ZNF385D: variants seen among roughly 807,000 people sequenced by gnomAD.
ZNF385D encodes zinc finger protein 385D.
ZNF385D carries 15 observed loss-of-function variants against 35.8 expected under a neutral mutation model. The observed-to-expected ratio is 0.42, with a 90% confidence interval of 0.28 to 0.64. The LOEUF (loss-of-function observed/expected upper bound fraction) is 0.64, where lower values mean the gene tolerates loss of function less well. Ranked by LOEUF, ZNF385D falls within the 30% of genes least tolerant of loss-of-function variation. The probability of loss-of-function intolerance (pLI) is 0.23; values close to 1 mark genes in which losing one functional copy is unlikely to be tolerated. For synonymous variants in ZNF385D, 212 were observed against 186.8 expected, an observed-to-expected ratio of 1.13 and a Z score of -1.10; for missense variants, 474 against 494.6, an observed-to-expected ratio of 0.96 and a Z score of 0.39.
At chr3:21,664,345 C>T (rs1203253145) in intron 2 of ZNF385D, among the ~76,000 whole-genome samples, 2 of 152,064 alleles carry the variant, frequency 1.3e-5, no homozygotes, top group East Asian at 3.9e-4. Context: ...TGAGAGTTAA[C>T]TTGGGCAACA....
intron 1 of ZNF385D, among the ~76,000 whole-genome samples, chr3:21,680,907 C>A (rs2066878775): frequency 6.6e-6 from 1 of 152,122 alleles, no homozygotes; most frequent in African/African-American, 2.4e-5. Flanking sequence ...TGTAGGCAAG[C>A]CCATAGTCAG....
intron 1 of ZNF385D, among the ~76,000 whole-genome samples, chr3:21,682,122 G>T (rs1444633694): frequency 6.6e-6 from 1 of 152,176 alleles, no homozygotes; most frequent in Non-Finnish European, 1.5e-5. Flanking sequence ...TACAAGCAAA[G>T]ATATGGTTGG....
At chr3:22,341,163 T>G (rs1043841191) in intron 2 of ZNF385D, among the ~76,000 whole-genome samples, 1 of 152,168 alleles carries the variant, frequency 6.6e-6, no homozygotes, top group African/African-American at 2.4e-5. Context: ...GCTATCTCAA[T>G]ACCTACAAAA....
chr3:21,960,273 C>T (rs1412122326), intron 3 of ZNF385D, among the ~76,000 whole-genome samples: 2 of 151,084 alleles, frequency 1.3e-5, no homozygotes, highest in South Asian at 4.2e-4. Flanking sequence ...GGCAGAGGAT[C>T]TAAATAAACA....
At chr3:21,693,442 T>C (rs1002891660) in intron 1 of ZNF385D, among the ~76,000 whole-genome samples, 10 of 152,220 alleles carry the variant, frequency 6.6e-5, no homozygotes, top group Admixed American at 5.2e-4. Context: ...ACTTACAGTA[T>C]AGACCCTTGT....
intron 2 of ZNF385D, among the ~76,000 whole-genome samples, chr3:21,636,414 AGAGT>A: frequency 1.6e-5 from 1 of 64,500 alleles, no homozygotes; most frequent in Non-Finnish European, 3.0e-5. Context: ...ATATATATAT[AGAGT>A]TTCTTAAGGA....
intron 3 of ZNF385D, among the ~76,000 whole-genome samples, chr3:21,897,792 T>C (rs1182089657): frequency 1.3e-5 from 2 of 152,152 alleles, no homozygotes; most frequent in Non-Finnish European, 2.9e-5. Context: ...GAACTTCATA[T>C]AGATGCATTC....
At chr3:21,877,940 A>C (rs1172987853) in intron 3 of ZNF385D, 1 of 152,032 alleles carries the variant, frequency 6.6e-6, no homozygotes, top group African/African-American at 2.4e-5. Flanking sequence ...ATTAATTTTA[A>C]TTACAACAGC....
At chr3:22,061,153 T>C (rs1183120347) in intron 3 of ZNF385D, among the ~76,000 whole-genome samples, 1 of 152,126 alleles carries the variant, frequency 6.6e-6, no homozygotes, top group Non-Finnish European at 1.5e-5. Flanking sequence ...TGCAAAGAAT[T>C]ATTCTCTCAA....
intron 3 of ZNF385D, among the ~76,000 whole-genome samples, chr3:21,864,171 C>A: frequency 6.6e-6 from 1 of 151,924 alleles, no homozygotes; most frequent in East Asian, 1.9e-4. Flanking sequence ...CTCAACCAGT[C>A]CTTTTGTTGC....
chr3:22,085,444 A>G (rs1349551912), intron 3 of ZNF385D, among the ~76,000 whole-genome samples: 1 of 152,202 alleles, frequency 6.6e-6, no homozygotes, highest in Non-Finnish European at 1.5e-5. Context: ...AATACTATAA[A>G]CACCTCCATG....
chr3:21,427,589 A>G (rs1676576278), intron 5 of ZNF385D, among the ~76,000 whole-genome samples: 1 of 152,164 alleles, frequency 6.6e-6, no homozygotes, highest in South Asian at 2.1e-4. Flanking sequence ...TCAGGAGATA[A>G]TGGAAAATTT....
chr3:21,900,000 G>C (rs1020797171), intron 3 of ZNF385D, among the ~76,000 whole-genome samples: 1 of 152,130 alleles, frequency 6.6e-6, no homozygotes, highest in Non-Finnish European at 1.5e-5. Flanking sequence ...TGGTTGGGCA[G>C]GTGGCAAGAC....
At chr3:21,440,645 G>A (rs1701814159) in intron 4 of ZNF385D, among the ~76,000 whole-genome samples, 1 of 152,110 alleles carries the variant, frequency 6.6e-6, no homozygotes, top group Non-Finnish European at 1.5e-5. Context: ...ATTAATGTGA[G>A]ATGTTAACAA....
rs115577595 is a variant in ZNF385D at position 21,641,320 on chromosome 3, G to A, written c.165+23566C>T. ...AGGAATGAAGTACAGTACCAGACAAGTTGGTGAAGAGGAATAGGAGGAGGA... is the reference window on the plus strand; with the variant it reads ...AGGAATGAAGTACAGTACCAGACAAATTGGTGAAGAGGAATAGGAGGAGGA... On this transcript the variant is annotated intron_variant, in intron 2 of 7. Transcript: ENST00000281523. Among the ~76,000 whole-genome samples the A allele has an allele frequency of 1.9e-3, 285 of 151,964 alleles. 2 individuals carry two copies. Among genetic ancestry groups the A allele is most frequent in the Non-Finnish European group, 3.2e-3 (217 of 67,970 alleles).
At chr3:21,853,843 G>A (rs1696556953) in intron 3 of ZNF385D, among the ~76,000 whole-genome samples, 1 of 151,642 alleles carries the variant, frequency 6.6e-6, no homozygotes, top group South Asian at 2.1e-4. Context: ...AAAACAAAAG[G>A]AAGATTATAT....
In ZNF385D at chr3:21,912,752, T is replaced by C. The variant is rs190070517; in HGVS notation, c.326-247724A>G. On this transcript the variant is annotated intron_variant, in intron 3 of 5. Transcript: ENST00000494108. The stretch of plus-strand genomic sequence containing the variant: ...ATATGCTAAAATACACTGACAACAA[T>C]TCAAGCTACATTTGGACCTTCTTAG... Among the ~76,000 whole-genome samples, 7 of 152,196 alleles carry C rather than the reference T, an allele frequency of 4.6e-5. No homozygotes were observed. The South Asian group carries it at 1.0e-3, about 23-fold the overall frequency.
intron 3 of ZNF385D, among the ~76,000 whole-genome samples, chr3:21,936,190 G>C (rs1318986245): frequency 6.6e-6 from 1 of 152,112 alleles, no homozygotes. Context: ...CAAGAATGTA[G>C]TTTTATTCAC....
chr3:21,928,312 G>T (rs937192250), intron 3 of ZNF385D, among the ~76,000 whole-genome samples: 2 of 147,292 alleles, frequency 1.4e-5, no homozygotes, highest in East Asian at 4.0e-4. Context: ...AAGGAAGGTA[G>T]GAGGGAGGAA....
Sources: allele counts gnomAD v4.1 joint callset (sites outside exome capture counted in the v4.1 genomes callset), GRCh38; gene constraint gnomAD v4.1.1; transcripts MANE v1.5; gene names NCBI Gene and HGNC (gene_info 2026-07-23, HGNC 2026-07-21).